Variants in ARAP2 observed in about 807,000 individuals in gnomAD.
ARAP2 encodes the protein ArfGAP with RhoGAP domain, ankyrin repeat and PH domain 2.
Under a neutral mutation model 194.5 loss-of-function variants are expected in ARAP2, and 148 were observed. The observed-to-expected ratio is 0.76, with a 90% CI of 0.67 to 0.87. ARAP2 has a LOEUF of 0.87. Ranked by LOEUF, ARAP2 falls within the 40% of genes least tolerant of loss-of-function variation. The pLI, the probability that ARAP2 is intolerant of heterozygous loss-of-function variation, is 0.00. For synonymous variants in ARAP2, 695 were observed against 683.5 expected, an observed-to-expected ratio of 1.02 and a Z score of -0.26; for missense variants, 2,128 against 1,989.7, an observed-to-expected ratio of 1.07 and a Z score of -1.32.
At chr4:36,217,986 TA>T in intron 2 of ARAP2, among the ~76,000 whole-genome samples, 1 of 151,844 alleles carries the variant, frequency 6.6e-6, no homozygotes, top group African/African-American at 2.4e-5. Flanking sequence ...AAACTGATTC[TA>T]AAATACATGT....
intron 6 of ARAP2, among the ~76,000 whole-genome samples, chr4:36,202,885 G>A (rs1044142616): frequency 6.6e-6 from 1 of 152,212 alleles, no homozygotes; most frequent in Non-Finnish European, 1.5e-5. Context: ...AACAGAAGGA[G>A]AGATGTGAAC....
intron 6 of ARAP2, among the ~76,000 whole-genome samples, chr4:36,205,285 C>G (rs10009723): frequency 0.87 from 132,154 of 151,990 alleles, 57,619 homozygotes; most frequent in East Asian, 0.95. Context: ...TAGCTAATCC[C>G]TAACACTGAA....
At chr4:36,136,820 C>CGTGT (rs111433081) in intron 19 of ARAP2, among the ~76,000 whole-genome samples, 19 of 44,496 alleles carry the variant, frequency 4.3e-4, no homozygotes, top group Admixed American at 2.3e-3. Flanking sequence ...TGTGTGTGTG[C>CGTGT]GTGTCTGTGT....
intron 32 of ARAP2, among the ~76,000 whole-genome samples, chr4:36,071,245 C>A (rs925251255): frequency 6.6e-6 from 1 of 152,126 alleles, no homozygotes; most frequent in African/African-American, 2.4e-5. Context: ...GTCACTTAAT[C>A]ACAACAGCAC....
Position 36,212,407 on chromosome 4 carries a change from G to A in ARAP2, c.1122C>T (p.Ile374=). The change falls in exon 5 of 33, where the codon ATC becomes ATT. Residue 374 remains isoleucine, a synonymous_variant. Coordinates refer to ENST00000303965, the MANE Select transcript of ARAP2 (RefSeq NM_015230.4). ...TCATGATCTCATACCTTGATTTGAT[G>A]ATAAAAGAGTTTGTTGCAGTAGCTG... ...GEAATATNSF[I]IKSSIYDNRK... is the part of the protein sequence containing the mutation. The A allele has an allele frequency of 1.2e-6, 2 of 1,610,510 alleles. No individual in the cohort carries two copies. The highest frequency in any genetic ancestry group is 1.7e-6 in the Non-Finnish European group (2 of 1,177,372).
At chr4:36,095,797 A>G (rs1331529457) in intron 27 of ARAP2, among the ~76,000 whole-genome samples, 1 of 152,152 alleles carries the variant, frequency 6.6e-6, no homozygotes, top group African/African-American at 2.4e-5. Flanking sequence ...TTACTTGAGA[A>G]CCGAAGAACA....
intron 5 of ARAP2, among the ~76,000 whole-genome samples, chr4:36,031,792 C>T (rs192805062): frequency 6.6e-6 from 1 of 152,044 alleles, no homozygotes; most frequent in Non-Finnish European, 1.5e-5. Flanking sequence ...CCTCAGCCCC[C>T]CAAGTAGCTG....
chr4:36,213,194 A>C, intron 4 of ARAP2, 49 bp downstream of exon 4: 1 of 1,343,458 alleles, frequency 7.4e-7, no homozygotes, highest in Non-Finnish European at 1.1e-6. Context: ...AAATAGGCAG[A>C]AAAGCAAATA....
intron 31 of ARAP2, among the ~76,000 whole-genome samples, chr4:36,076,613 T>TCCTCCATGCTTCCCTCTCCA (rs1040201820): frequency 2.6e-5 from 4 of 151,670 alleles, no homozygotes; most frequent in East Asian, 3.9e-4. Flanking sequence ...TCCCCAACCC[T>TCCTCCATGCTTCCCTCTCCA]CCTCCATGCT....
chr4:36,087,800 G>C (rs1420727593), intron 28 of ARAP2, among the ~76,000 whole-genome samples: 3 of 152,012 alleles, frequency 2.0e-5, no homozygotes, highest in Non-Finnish European at 2.9e-5. Context: ...AAACACTAAG[G>C]TAATACAAAT....
intron 15 of ARAP2, among the ~76,000 whole-genome samples, chr4:36,158,210 C>T (rs187593181): frequency 4.8e-4 from 73 of 152,092 alleles, no homozygotes; most frequent in African/African-American, 1.6e-3. Flanking sequence ...ATTCCCCAAA[C>T]CTAGAATATA....
chr4:36,193,500 TAAA>T, intron 7 of ARAP2, 75 bp downstream of exon 7: 2 of 965,298 alleles, frequency 2.1e-6, no homozygotes, highest in Non-Finnish European at 3.0e-6. Flanking sequence ...CTCCTATTCT[TAAA>T]AACCAAACTG....
At chr4:36,019,164 C>T (rs1203744861) in exon 6 of ARAP2, 1 of 149,504 alleles carries the variant, frequency 6.7e-6, no homozygotes, top group South Asian at 2.1e-4. Flanking sequence ...ATACTGTTCA[C>T]TTGTTTTCAT....
intron 3 of ARAP2, among the ~76,000 whole-genome samples, chr4:36,214,148 T>G (rs1747392835): frequency 6.6e-6 from 1 of 152,198 alleles, no homozygotes; most frequent in South Asian, 2.1e-4. Context: ...TTAATTTAGT[T>G]AAATGCCTGC....
chr4:36,227,877 T>G (rs537455599), intron 2 of ARAP2, among the ~76,000 whole-genome samples: 3 of 152,292 alleles, frequency 2.0e-5, no homozygotes, highest in Non-Finnish European at 4.4e-5. Context: ...TCTTTTGCTA[T>G]AAATTACCTC....
chr4:36,068,694 T>C (rs144368022), intron 32 of ARAP2, among the ~76,000 whole-genome samples: 34 of 152,326 alleles, frequency 2.2e-4, no homozygotes, highest in African/African-American at 7.5e-4. Flanking sequence ...TATGGCGTGC[T>C]GTGTTGCCAG....
At chr4:36,124,789 C>T (rs1456977264) in intron 22 of ARAP2, 73 bp downstream of exon 22, 12 of 937,596 alleles carry the variant, frequency 1.3e-5, no homozygotes, top group East Asian at 5.0e-5. Context: ...GAAAGATTCA[C>T]AATCACATAA....
chr4:36,026,085 C>A (rs1333442954), intron 5 of ARAP2, among the ~76,000 whole-genome samples: 1 of 152,082 alleles, frequency 6.6e-6, no homozygotes, highest in African/African-American at 2.4e-5. Context: ...TCAAAAATTT[C>A]TTTCTCACTA....
chr4:36,140,324 A>G (rs1214738897), intron 19 of ARAP2, among the ~76,000 whole-genome samples: 1 of 151,652 alleles, frequency 6.6e-6, no homozygotes, highest in Non-Finnish European at 1.5e-5. Flanking sequence ...TTTAAAATCT[A>G]CCTTTTGTTA....
Sources: allele counts gnomAD v4.1 joint callset (sites outside exome capture counted in the v4.1 genomes callset), GRCh38; gene constraint gnomAD v4.1.1; transcripts MANE v1.5; gene names NCBI Gene and HGNC (gene_info 2026-07-23, HGNC 2026-07-21).